CENPW: variants seen among roughly 807,000 people sequenced by gnomAD.
CENPW encodes centromere protein W.
In CENPW, 3 loss-of-function variants were observed where a neutral mutation model predicts 11.1. The observed-to-expected ratio is 0.27, with a 90% CI of 0.12 to 0.70. CENPW has a LOEUF of 0.70. Among genes scored for constraint, CENPW ranks in the 30% least tolerant of loss-of-function variants. The probability of loss-of-function intolerance (pLI) is 0.77; values close to 1 mark genes in which losing one functional copy is unlikely to be tolerated. For missense variants in CENPW, 100 were observed against 105.6 expected (o/e 0.95, Z 0.23); for synonymous variants, 38 against 42.0 (o/e 0.91, Z 0.37).
At chr6:126,467,973 CAT>C in the CENPW span, among the ~76,000 whole-genome samples, 7 of 152,224 alleles carry the variant, frequency 4.6e-5, no homozygotes, top group East Asian at 1.9e-4. Flanking sequence ...ATAAGAAAAA[CAT>C]GTGACAAATT....
the CENPW span, among the ~76,000 whole-genome samples, chr6:126,430,607 C>A: frequency 6.6e-6 from 1 of 152,176 alleles, no homozygotes; most frequent in African/African-American, 2.4e-5. Context: ...AGTCTGAACT[C>A]TTTTCATAGT....
At chr6:126,418,483 G>C in the CENPW span, among the ~76,000 whole-genome samples, 1 of 152,146 alleles carries the variant, frequency 6.6e-6, no homozygotes, top group African/African-American at 2.4e-5. Context: ...TGGTTATCAG[G>C]ATTTTGGGAG....
chr6:126,456,607 A>G, the CENPW span, among the ~76,000 whole-genome samples: 1 of 151,650 alleles, frequency 6.6e-6, no homozygotes, highest in Non-Finnish European at 1.5e-5. Context: ...ATCCTGGAAG[A>G]TAACCTAGGA....
the CENPW span, among the ~76,000 whole-genome samples, chr6:126,447,431 G>A: frequency 6.6e-6 from 1 of 151,320 alleles, no homozygotes; most frequent in Non-Finnish European, 1.5e-5. Context: ...AAAATGACAG[G>A]TAGCTTGATG....
the CENPW span, among the ~76,000 whole-genome samples, chr6:126,360,344 G>C: frequency 6.6e-6 from 1 of 152,040 alleles, no homozygotes; most frequent in Non-Finnish European, 1.5e-5. Context: ...TTCTCTCTAG[G>C]TGTGTTTAAG....
the CENPW span, among the ~76,000 whole-genome samples, chr6:126,407,045 T>C: frequency 1.3e-5 from 2 of 152,102 alleles, no homozygotes; most frequent in Admixed American, 6.6e-5. Flanking sequence ...ACCTAGGTAT[T>C]AAGCCCATCA....
the CENPW span, among the ~76,000 whole-genome samples, chr6:126,466,615 C>T: frequency 6.6e-6 from 1 of 151,994 alleles, no homozygotes; most frequent in African/African-American, 2.4e-5. Flanking sequence ...TAGGTGTGTG[C>T]ATGTACGTGC....
At chr6:126,442,950 T>C in the CENPW span, among the ~76,000 whole-genome samples, 1 of 151,226 alleles carries the variant, frequency 6.6e-6, no homozygotes, top group Non-Finnish European at 1.5e-5. Context: ...TTTCTAAATT[T>C]CTATTTGATC....
the CENPW span, among the ~76,000 whole-genome samples, chr6:126,406,032 A>G: frequency 1.3e-5 from 2 of 152,134 alleles, 1 homozygote; most frequent in South Asian, 4.1e-4. Flanking sequence ...GTCTGGTTCT[A>G]GTTCCTAGAG....
chr6:126,386,556 T>C, the CENPW span, among the ~76,000 whole-genome samples: 2 of 152,116 alleles, frequency 1.3e-5, no homozygotes, highest in African/African-American at 4.8e-5. Context: ...GCCATTTTAA[T>C]GGGTTTGTGT....
chr6:126,357,117 A>G, the CENPW span, among the ~76,000 whole-genome samples: 4 of 152,022 alleles, frequency 2.6e-5, no homozygotes, highest in African/African-American at 7.2e-5. Context: ...AATTTTTTAT[A>G]TGGCGTAGGA....
At chr6:126,464,820 C>A in the CENPW span, among the ~76,000 whole-genome samples, 1 of 152,146 alleles carries the variant, frequency 6.6e-6, no homozygotes, top group East Asian at 1.9e-4. Context: ...AATAAACTCC[C>A]TTTCATATAT....
At chr6:126,380,872 A>T in the CENPW span, among the ~76,000 whole-genome samples, 2 of 152,210 alleles carry the variant, frequency 1.3e-5, no homozygotes, top group Admixed American at 6.5e-5. Context: ...ACTGTTAGTA[A>T]TGACAAAGAT....
At chr6:126,468,817 T>C in the CENPW span, among the ~76,000 whole-genome samples, 3 of 152,194 alleles carry the variant, frequency 2.0e-5, no homozygotes, top group Admixed American at 2.0e-4. Context: ...CATATCTTTT[T>C]TATTTCTTGA....
At chr6:126,482,154 C>G in the CENPW span, among the ~76,000 whole-genome samples, 1 of 151,928 alleles carries the variant, frequency 6.6e-6, no homozygotes, top group Admixed American at 6.6e-5. Context: ...TGCTGGGTTT[C>G]TTAATTTTAC....
downstream of CENPW, among the ~76,000 whole-genome samples, chr6:126,350,413 G>A (rs1450991906): frequency 3.3e-5 from 5 of 151,976 alleles, no homozygotes; most frequent in East Asian, 1.9e-4. Context: ...GTCCTCATAC[G>A]GAGGAAAAAA....
chr6:126,433,144 T>G, the CENPW span, among the ~76,000 whole-genome samples: 1 of 152,348 alleles, frequency 6.6e-6, no homozygotes, highest in Non-Finnish European at 1.5e-5. Context: ...TTTTAAAGAT[T>G]ATGCATGACA....
At chr6:126,365,069 A>G in the CENPW span, among the ~76,000 whole-genome samples, 1 of 152,214 alleles carries the variant, frequency 6.6e-6, no homozygotes, top group African/African-American at 2.4e-5. Flanking sequence ...GTTCTGGTGA[A>G]TATTGGGATC....
chr6:126,469,763 C>A, the CENPW span, among the ~76,000 whole-genome samples: 6 of 152,130 alleles, frequency 3.9e-5, no homozygotes, highest in Non-Finnish European at 8.8e-5. Context: ...ATTCTTGCTA[C>A]GCTTTAGCAA....
Sources: gnomAD v4.1 joint callset for allele counts (sites outside exome capture counted in the v4.1 genomes callset) on GRCh38, gnomAD v4.1.1 for gene constraint, MANE v1.5 for transcripts, NCBI Gene and HGNC (gene_info 2026-07-23, HGNC 2026-07-21) for gene names.